The following PAX5 variants were observed in gnomAD, a reference collection of about 807,000 sequenced individuals.
PAX5 encodes paired box protein Pax-5.
A neutral mutation model predicts 43.7 loss-of-function variants in PAX5; 9 were observed. The observed-to-expected ratio is 0.21, with a 90% CI of 0.12 to 0.36. The LOEUF is 0.36. Ranked by LOEUF, PAX5 falls within the 10% of genes least tolerant of loss-of-function variation. The pLI is 1.00. For missense variants in PAX5, 383 were observed against 532.7 expected (o/e 0.72, Z 2.77); for synonymous variants, 228 against 214.3 (o/e 1.06, Z -0.56).
At chr9:37,029,371 G>T (rs1840738759) in intron 1 of PAX5, among the ~76,000 whole-genome samples, 1 of 152,180 alleles carries the variant, frequency 6.6e-6, no homozygotes, top group African/African-American at 2.4e-5. Flanking sequence ...AGTTTCCGGC[G>T]CTGACACCCG....
rs766454617 is a variant in PAX5, at chr9:36,868,064, G to A, written c.1012+13940C>T. 1.3e-4 allele frequency among the ~76,000 whole-genome samples: 20 copies of A among 152,190 alleles called. 1 individual carries two copies. Among genetic ancestry groups the A allele is most frequent in the South Asian group, 6.2e-4 (3 of 4,820 alleles). On this transcript the variant is annotated intron_variant, in intron 8 of 9. Coordinates refer to ENST00000358127, the MANE Select transcript of PAX5 (RefSeq NM_016734.3). Reference sequence around the variant, plus strand: ...GATGAGGGCGAGAGGCAAGTCCCCCGAGAGGGGAAGGAGGGAAAAGTGAAA... The same window carrying A: ...GATGAGGGCGAGAGGCAAGTCCCCCAAGAGGGGAAGGAGGGAAAAGTGAAA...
chr9:36,885,917 T>C (rs915839404), intron 7 of PAX5, among the ~76,000 whole-genome samples: 1 of 152,180 alleles, frequency 6.6e-6, no homozygotes, highest in African/African-American at 2.4e-5. Flanking sequence ...TTGCAGCTCT[T>C]CCTGCTAGAG....
intron 5 of PAX5, among the ~76,000 whole-genome samples, chr9:37,001,522 G>C (rs1021350334): frequency 6.6e-6 from 1 of 152,248 alleles, no homozygotes; most frequent in African/African-American, 2.4e-5. Context: ...GAGCAGAAGA[G>C]AGAGGCAAGG....
chr9:36,924,746 A>T (rs111358784), intron 6 of PAX5, among the ~76,000 whole-genome samples: 10,707 of 90,372 alleles, frequency 0.12, 870 homozygotes, highest in East Asian at 0.21. Context: ...GAAGGAAGGA[A>T]GGAAGGAAGG....
intron 6 of PAX5, among the ~76,000 whole-genome samples, chr9:36,938,518 TC>T (rs1454319889): frequency 6.6e-6 from 1 of 152,160 alleles, no homozygotes; most frequent in African/African-American, 2.4e-5. Flanking sequence ...ACAAAAGCTT[TC>T]AAGCCAAAAG....
At chr9:36,884,542 G>A (rs1826748998) in intron 7 of PAX5, among the ~76,000 whole-genome samples, 1 of 152,150 alleles carries the variant, frequency 6.6e-6, no homozygotes, top group Non-Finnish European at 1.5e-5. Flanking sequence ...CTTAATTGGT[G>A]AGATACTTAG....
chr9:36,880,818 T>C (rs915899100), intron 8 of PAX5, among the ~76,000 whole-genome samples: 15 of 152,242 alleles, frequency 9.9e-5, no homozygotes, highest in African/African-American at 3.6e-4. Context: ...CCTCAAGTGA[T>C]CTGTCTGCCT....
chr9:36,965,903 G>A (rs376447350), intron 6 of PAX5, among the ~76,000 whole-genome samples: 42 of 152,280 alleles, frequency 2.8e-4, no homozygotes, highest in African/African-American at 9.9e-4. Flanking sequence ...GCCGAGCCTC[G>A]TGATCTCATC....
intron 8 of PAX5, among the ~76,000 whole-genome samples, chr9:36,862,660 A>G (rs1277412630): frequency 6.6e-6 from 1 of 152,190 alleles, no homozygotes; most frequent in Non-Finnish European, 1.5e-5. Context: ...TGAAGCAGGT[A>G]GGTGGGCGGC....
At chr9:37,017,741 A>G (rs1332226386) in intron 2 of PAX5, among the ~76,000 whole-genome samples, 2 of 152,248 alleles carry the variant, frequency 1.3e-5, no homozygotes, top group Non-Finnish European at 2.9e-5. Context: ...CTACCTGCCC[A>G]TCCCACCTGA....
intron 7 of PAX5, among the ~76,000 whole-genome samples, chr9:36,914,058 G>T (rs190214631): frequency 6.6e-6 from 1 of 152,174 alleles, no homozygotes; most frequent in African/African-American, 2.4e-5. Flanking sequence ...TCCAGAGGGC[G>T]TTTTGAAAAT....
intron 8 of PAX5, among the ~76,000 whole-genome samples, chr9:36,854,135 G>A (rs1428408788): frequency 6.6e-6 from 1 of 152,226 alleles, no homozygotes; most frequent in Non-Finnish European, 1.5e-5. Context: ...AGGAAGAAAC[G>A]ATTTGAAAAG....
At chr9:36,863,780 G>A (rs934410252) in intron 8 of PAX5, among the ~76,000 whole-genome samples, 1 of 152,190 alleles carries the variant, frequency 6.6e-6, no homozygotes, top group African/African-American at 2.4e-5. Flanking sequence ...GCAGGTCGGG[G>A]AATGAAAGGC....
Position 36,846,906 on chromosome 9 carries a change from A to G in PAX5, c.1036T>C (p.Tyr346His). Residue 346 changes from tyrosine (Y) to histidine (H), a missense_variant, in exon 9 of 10, where the codon TAC becomes CAC. Tyr to His is a moderately conservative substitution (Grantham distance 83). This residue lies in a region of PAX5 where 291 missense variants were observed against 342.5 expected (regional missense o/e 0.85). Transcript: ENST00000358127. ...VPGSEFSGSP[Y>H]SHPQYSSYND... is the part of the protein sequence containing the mutation. ...TACGAGGAATACTGAGGGTGGCTGTAGGGACTCCCGGAAAACTCACTCCCT... is the reference window on the plus strand; with the variant it reads ...TACGAGGAATACTGAGGGTGGCTGTGGGGACTCCCGGAAAACTCACTCCCT... The G allele has an allele frequency of 6.2e-7, 1 of 1,613,910 alleles. No individual in the cohort carries two copies. Among genetic ancestry groups the G allele is most frequent in the Non-Finnish European group, 8.5e-7 (1 of 1,179,770 alleles).
intron 6 of PAX5, among the ~76,000 whole-genome samples, chr9:36,940,324 G>A (rs1441381292): frequency 6.6e-6 from 1 of 152,142 alleles, no homozygotes; most frequent in African/African-American, 2.4e-5. Context: ...TTACATAATG[G>A]CATTTCTATC....
At chr9:36,959,104 C>CT (rs1833742914) in intron 6 of PAX5, among the ~76,000 whole-genome samples, 1 of 152,204 alleles carries the variant, frequency 6.6e-6, no homozygotes, top group Admixed American at 6.5e-5. Context: ...GTGAGGATTC[C>CT]TCAGGGGAAC....
chr9:36,913,948 G>C (rs1355705439), intron 7 of PAX5, among the ~76,000 whole-genome samples: 1 of 152,220 alleles, frequency 6.6e-6, no homozygotes, highest in Admixed American at 6.5e-5. Flanking sequence ...GGAGTTAGAT[G>C]AATGCCGTGT....
At chr9:36,964,155 C>A (rs1280674178) in intron 6 of PAX5, among the ~76,000 whole-genome samples, 1 of 152,054 alleles carries the variant, frequency 6.6e-6, no homozygotes. Flanking sequence ...GTGGCGGGTG[C>A]CTGTAGTCCG....
At chr9:36,843,316 G>A (rs1385387670) in intron 9 of PAX5, among the ~76,000 whole-genome samples, 1 of 152,208 alleles carries the variant, frequency 6.6e-6, no homozygotes, top group African/African-American at 2.4e-5. Context: ...AAGACACCGT[G>A]GGGCAGGGCG....
Sources: gnomAD v4.1 joint callset for allele counts (sites outside exome capture counted in the v4.1 genomes callset) on GRCh38, gnomAD v4.1.1 for gene constraint, gnomAD v4.1.1 regional missense constraint, MANE v1.5 for transcripts, NCBI Gene and HGNC (gene_info 2026-07-23, HGNC 2026-07-21) for gene names.